FRAS1: variants seen among roughly 807,000 people sequenced by gnomAD.
FRAS1 encodes the protein extracellular matrix organizing protein FRAS1.
Under a neutral mutation model 435.2 loss-of-function variants are expected in FRAS1, and 290 were observed. That is an observed-to-expected ratio of 0.67 (90% CI 0.61 to 0.73). The LOEUF is 0.73. Among genes scored for constraint, FRAS1 ranks in the 30% least tolerant of loss-of-function variants. FRAS1 has a pLI of 0.00. For missense variants in FRAS1, 4,860 were observed against 5,001.5 expected (o/e 0.97, Z 0.85); for synonymous variants, 1,800 against 1,851.0 (o/e 0.97, Z 0.71).
intron 20 of FRAS1, among the ~76,000 whole-genome samples, chr4:78,345,864 T>A (rs1167694202): frequency 6.1e-5 from 9 of 148,744 alleles, no homozygotes; most frequent in Non-Finnish European, 6.0e-5. Flanking sequence ...CTTCCTAAAT[T>A]AAAAAAAAAA....
At chr4:78,094,110 T>G (rs904489729) in intron 2 of FRAS1, among the ~76,000 whole-genome samples, 6 of 125,906 alleles carry the variant, frequency 4.8e-5, no homozygotes, top group Non-Finnish European at 9.5e-5. Context: ...CCAAGTTTTT[T>G]TTTTTTTTTT....
chr4:78,279,863 A>G (rs1727246505), intron 10 of FRAS1, among the ~76,000 whole-genome samples: 1 of 152,172 alleles, frequency 6.6e-6, no homozygotes, highest in South Asian at 2.1e-4. Context: ...ATATGTGCCA[A>G]GGCCCCCAGT....
intron 47 of FRAS1, among the ~76,000 whole-genome samples, chr4:78,454,951 G>A (rs1315725923): frequency 1.3e-5 from 2 of 152,314 alleles, no homozygotes; most frequent in East Asian, 3.9e-4. Flanking sequence ...TCCAAAAGTG[G>A]AGGAATGCTG....
intron 18 of FRAS1, among the ~76,000 whole-genome samples, chr4:78,323,667 G>A (rs956205872): frequency 2.0e-5 from 3 of 152,000 alleles, no homozygotes; most frequent in Non-Finnish European, 4.4e-5. Flanking sequence ...GGCTCCTCCC[G>A]GAGTCACTAG....
Position 78,541,224 on chromosome 4 carries a change from T to C in FRAS1, c.*100T>C. ...CTCGCAGATAAAAAAGGGAAAACTA[T>C]AGCTTTGAGTGGCAGACAGCACACA... On this transcript the variant is annotated 3_prime_UTR_variant, in exon 74 of 74. Coordinates refer to ENST00000512123, the MANE Select transcript of FRAS1 (RefSeq NM_025074.7). 1.4e-6 allele frequency: 1 copy of C among 693,316 alleles called. No homozygotes were observed. Among genetic ancestry groups the C allele is most frequent in the South Asian group, 4.7e-5 (1 of 21,408 alleles). The allele number at this position is 693,316 out of a possible 1,614,324, so 42.9% of individuals were successfully genotyped here.
chr4:78,491,102 AC>A (rs1720337363), intron 59 of FRAS1, among the ~76,000 whole-genome samples: 1 of 152,170 alleles, frequency 6.6e-6, no homozygotes, highest in African/African-American at 2.4e-5. Flanking sequence ...TCAAGACTAA[AC>A]CGGGAAGAAT....
At chr4:78,445,957 T>C in intron 42 of FRAS1, 1 of 1,296,076 alleles carries the variant, frequency 7.7e-7, no homozygotes, top group East Asian at 2.8e-5. Flanking sequence ...TGAAAAACAG[T>C]TTGTGAAGGT....
At chr4:78,242,171 A>C (rs1423122176) in intron 3 of FRAS1, among the ~76,000 whole-genome samples, 2 of 152,222 alleles carry the variant, frequency 1.3e-5, no homozygotes, top group Non-Finnish European at 2.9e-5. Context: ...GGATCTTTAG[A>C]AATCACTTAG....
intron 58 of FRAS1, among the ~76,000 whole-genome samples, chr4:78,483,981 C>T (rs948639463): frequency 6.6e-6 from 1 of 151,626 alleles, no homozygotes; most frequent in Admixed American, 6.6e-5. Context: ...CAGTGATATG[C>T]TCACTACCAC....
intron 2 of FRAS1, among the ~76,000 whole-genome samples, chr4:78,161,238 T>G (rs775781211): frequency 5.9e-5 from 9 of 152,204 alleles, no homozygotes; most frequent in Non-Finnish European, 1.0e-4. Flanking sequence ...TAATGAGAAT[T>G]TATATTTTTC....
chr4:78,083,875 T>C (rs145578540), intron 2 of FRAS1, among the ~76,000 whole-genome samples: 2 of 152,188 alleles, frequency 1.3e-5, no homozygotes, highest in East Asian at 1.9e-4. Context: ...TGCTTCCTTA[T>C]ATCTAATTCA....
chr4:78,196,100 C>T (rs573532822), intron 2 of FRAS1, among the ~76,000 whole-genome samples: 30 of 152,142 alleles, frequency 2.0e-4, no homozygotes, highest in East Asian at 3.9e-4. Context: ...CTCCGCCTCC[C>T]GGGTTCATGC....
chr4:78,097,918 C>A (rs1741894997), intron 2 of FRAS1, among the ~76,000 whole-genome samples: 1 of 152,182 alleles, frequency 6.6e-6, no homozygotes, highest in Non-Finnish European at 1.5e-5. Flanking sequence ...GGGAAGACCA[C>A]CTGAAGGCAA....
In FRAS1 at chr4:78,246,642, A is replaced by T. The variant is rs554310727; in HGVS notation, c.309+1317A>T. ...ATGAAAATAATGCCAGTTCCGAATG[A>T]TTATGATAAGTGCATGGTTCAAGGT... On this transcript the variant is annotated intron_variant, in intron 4 of 73. Coordinates refer to ENST00000512123, the MANE Select transcript of FRAS1 (RefSeq NM_025074.7). Among the ~76,000 whole-genome samples the T allele has an allele frequency of 5.9e-5, 9 of 152,308 alleles. No homozygotes were observed. In the South Asian group the frequency reaches 1.9e-3, roughly 32 times the overall value.
chr4:78,478,533 T>C (rs1316018654), intron 55 of FRAS1, among the ~76,000 whole-genome samples: 2 of 152,184 alleles, frequency 1.3e-5, no homozygotes, highest in East Asian at 3.8e-4. Context: ...TAAAGGGCAA[T>C]TCTTTTTTTG....
chr4:78,307,093 C>T (rs1432339670), intron 14 of FRAS1, among the ~76,000 whole-genome samples: 1 of 152,146 alleles, frequency 6.6e-6, no homozygotes, highest in Admixed American at 6.5e-5. Context: ...AGACAGGACC[C>T]TCAGCTTCAG....
chr4:78,457,940 A>G (rs911380668), intron 47 of FRAS1, among the ~76,000 whole-genome samples: 12 of 152,346 alleles, frequency 7.9e-5, no homozygotes, highest in African/African-American at 2.6e-4. Context: ...CATTTTGTCC[A>G]GAAGCCATAA....
At chr4:78,063,367 T>TC (rs1483414698) in intron 1 of FRAS1, among the ~76,000 whole-genome samples, 1 of 152,178 alleles carries the variant, frequency 6.6e-6, no homozygotes, top group Non-Finnish European at 1.5e-5. Flanking sequence ...ATGCTTTTTT[T>TC]CTCAAGAGAG....
At chr4:78,201,880 A>G (rs758434578) in intron 2 of FRAS1, among the ~76,000 whole-genome samples, 32 of 152,224 alleles carry the variant, frequency 2.1e-4, no homozygotes, top group Non-Finnish European at 4.3e-4. Context: ...ATATTTATTT[A>G]TAGGTCATGT....
Sources: gnomAD v4.1 joint callset for allele counts (sites outside exome capture counted in the v4.1 genomes callset) on GRCh38, gnomAD v4.1.1 for gene constraint, MANE v1.5 for transcripts, NCBI Gene and HGNC (gene_info 2026-07-23, HGNC 2026-07-21) for gene names.